The following ENTREP2 variants were observed in gnomAD, a reference collection of about 807,000 sequenced individuals.
The protein encoded by ENTREP2 is endosomal transmembrane epsin interactor 2, also known as protein ENTREP2.
At chr15:29,355,804 C>T in the ENTREP2 span, among the ~76,000 whole-genome samples, 2 of 152,012 alleles carry the variant, frequency 1.3e-5, no homozygotes, top group African/African-American at 4.8e-5. Flanking sequence ...AAATTCAGAA[C>T]GTAAGAGAGC....
At chr15:29,434,210 T>C in the ENTREP2 span, among the ~76,000 whole-genome samples, 1 of 152,228 alleles carries the variant, frequency 6.6e-6, no homozygotes, top group Admixed American at 6.5e-5. Flanking sequence ...GCTTCCCTGA[T>C]TGCAGAATTC....
the ENTREP2 span, among the ~76,000 whole-genome samples, chr15:29,552,119 T>C: frequency 6.6e-6 from 1 of 152,134 alleles, no homozygotes; most frequent in Non-Finnish European, 1.5e-5. Context: ...CTTCCTTTCC[T>C]CTCCCCATCT....
the ENTREP2 span, among the ~76,000 whole-genome samples, chr15:29,429,183 G>GTCTA: frequency 0.011 from 1,534 of 138,962 alleles, 31 homozygotes; most frequent in African/African-American, 0.039. Flanking sequence ...ATCTTGAGAT[G>GTCTA]TCTATCTATC....
At chr15:29,223,429 G>A in the ENTREP2 span, among the ~76,000 whole-genome samples, 1 of 152,086 alleles carries the variant, frequency 6.6e-6, no homozygotes, top group Non-Finnish European at 1.5e-5. Flanking sequence ...TCCATGTGGG[G>A]ACACCTCTTC....
chr15:29,363,434 G>A, the ENTREP2 span, among the ~76,000 whole-genome samples: 3 of 152,194 alleles, frequency 2.0e-5, no homozygotes, highest in African/African-American at 7.2e-5. Context: ...ACTTTGTAGT[G>A]TGACTGGGAC....
At chr15:29,550,988 C>T in the ENTREP2 span, among the ~76,000 whole-genome samples, 25 of 152,282 alleles carry the variant, frequency 1.6e-4, no homozygotes, top group South Asian at 4.6e-3. Flanking sequence ...TCTGGCCTGA[C>T]ACGTTATCCA....
the ENTREP2 span, among the ~76,000 whole-genome samples, chr15:29,397,511 T>C: frequency 1.1e-4 from 16 of 152,084 alleles, no homozygotes; most frequent in African/African-American, 3.6e-4. Context: ...GAAAGAACAG[T>C]GGTCCTCACT....
At chr15:29,535,081 T>C in the ENTREP2 span, among the ~76,000 whole-genome samples, 5 of 151,096 alleles carry the variant, frequency 3.3e-5, no homozygotes, top group African/African-American at 9.7e-5. Flanking sequence ...CTCGTCTCTA[T>C]AAAAAAAAGA....
chr15:29,454,625 A>G, the ENTREP2 span, among the ~76,000 whole-genome samples: 2 of 152,120 alleles, frequency 1.3e-5, no homozygotes, highest in Non-Finnish European at 2.9e-5. Flanking sequence ...GATGGCCCCA[A>G]TGCCCCCCAC....
the ENTREP2 span, among the ~76,000 whole-genome samples, chr15:29,173,962 C>CA: frequency 1.4e-5 from 2 of 143,198 alleles, no homozygotes; most frequent in East Asian, 4.0e-4. Flanking sequence ...AAAAAAAAGC[C>CA]AAAAAATCCC....
chr15:29,359,264 A>C, the ENTREP2 span, among the ~76,000 whole-genome samples: 5 of 152,184 alleles, frequency 3.3e-5, no homozygotes, highest in African/African-American at 7.2e-5. Context: ...TGCATTTTCC[A>C]GGTTTTCTGT....
chr15:29,234,853 T>G, the ENTREP2 span: 1 of 1,429,134 alleles, frequency 7.0e-7, no homozygotes. Context: ...TAGATATGTT[T>G]GCTTGGTGCC....
chr15:29,581,197 G>A, the ENTREP2 span, among the ~76,000 whole-genome samples: 1 of 152,044 alleles, frequency 6.6e-6, no homozygotes, highest in South Asian at 2.1e-4. Context: ...CTTTCTAGGA[G>A]GTTTCAGATT....
At chr15:29,263,283 T>C in the ENTREP2 span, among the ~76,000 whole-genome samples, 2 of 152,250 alleles carry the variant, frequency 1.3e-5, no homozygotes, top group East Asian at 3.8e-4. Flanking sequence ...AATCTTCTGA[T>C]AACAGGGCAA....
At chr15:29,219,427 G>C in the ENTREP2 span, among the ~76,000 whole-genome samples, 51,441 of 151,162 alleles carry the variant, frequency 0.34, 10,067 homozygotes, top group East Asian at 0.61. Flanking sequence ...CCTTAAAGAA[G>C]TAAAATAGAA....
the ENTREP2 span, among the ~76,000 whole-genome samples, chr15:29,128,527 G>A: frequency 1.3e-5 from 2 of 152,228 alleles, no homozygotes; most frequent in South Asian, 2.1e-4. Context: ...GTGGGGCAGA[G>A]GAAGACAAGG....
At chr15:29,275,187 T>C in the ENTREP2 span, among the ~76,000 whole-genome samples, 8 of 152,202 alleles carry the variant, frequency 5.3e-5, no homozygotes, top group African/African-American at 1.9e-4. Context: ...CATCCTTCAG[T>C]AGAACGATGA....
the ENTREP2 span, among the ~76,000 whole-genome samples, chr15:29,311,695 C>A: frequency 0.24 from 36,216 of 151,008 alleles, 8,919 homozygotes; most frequent in African/African-American, 0.64. Flanking sequence ...ATCCCCCCCC[C>A]AAAAAAAAGT....
chr15:29,244,325 A>C, the ENTREP2 span, among the ~76,000 whole-genome samples: 3 of 152,248 alleles, frequency 2.0e-5, no homozygotes, highest in African/African-American at 7.2e-5. Context: ...CTGATGGCAG[A>C]CATTACTCTA....
Sources: gnomAD v4.1 joint callset for allele counts (sites outside exome capture counted in the v4.1 genomes callset) on GRCh38, gnomAD v4.1.1 for gene constraint, MANE v1.5 for transcripts, NCBI Gene and HGNC (gene_info 2026-07-23, HGNC 2026-07-21) for gene names.